Variants in MAGEA11 observed in about 807,000 individuals in gnomAD.
The protein encoded by MAGEA11 is MAGE family member A11.
In MAGEA11, 1 loss-of-function variant was observed where a neutral mutation model predicts 8.4. The ratio of observed to expected loss-of-function variants is 0.12; its 90% CI spans 0.04 to 0.57. The LOEUF (loss-of-function observed/expected upper bound fraction) is 0.57, where lower values mean the gene tolerates loss of function less well. MAGEA11 is among the 20% of genes least tolerant of loss of function. MAGEA11 has a pLI of 0.91. For missense variants in MAGEA11, 209 were observed against 317.3 expected, an observed-to-expected ratio of 0.66 and a Z score of 2.59; for synonymous variants, 127 against 119.3, an observed-to-expected ratio of 1.06 and a Z score of -0.42.
At chrX:149,704,861 A>C (rs1353422036) in intron 1 of MAGEA11, among the ~76,000 whole-genome samples, 3 of 112,760 alleles carry the variant, frequency 2.7e-5, no homozygotes, top group African/African-American at 9.7e-5. Context: ...GCTGGCAACC[A>C]GATACATGGT....
intron 1 of MAGEA11, among the ~76,000 whole-genome samples, chrX:149,699,581 A>C (rs1191900975): frequency 9.0e-6 from 1 of 111,607 alleles, no homozygotes; most frequent in Non-Finnish European, 1.9e-5. Context: ...TGATTGGGTT[A>C]CCCATGCTGA....
chrX:149,714,447 G>C (rs781795321), intron 2 of MAGEA11, 34 bp from the exon 3 acceptor site: 38 of 1,198,471 alleles, frequency 3.2e-5, no homozygotes, highest in Non-Finnish European at 4.2e-5. Flanking sequence ...ATGGGACGTG[G>C]GGCCCCTTAC....
intron 1 of MAGEA11, among the ~76,000 whole-genome samples, chrX:149,705,829 G>C (rs1008304072): frequency 1.8e-5 from 2 of 112,015 alleles, no homozygotes; most frequent in African/African-American, 6.5e-5. Context: ...GCTGCTGTGG[G>C]ATATGCTAGA....
upstream of MAGEA11, chrX:149,711,716 G>T: frequency 4.5e-6 from 2 of 442,141 alleles, no homozygotes; most frequent in Non-Finnish European, 5.6e-6. Context: ...GAAGACCTTG[G>T]CAATGTTGTC....
chrX:149,709,829 A>G (rs949687008), upstream of MAGEA11, among the ~76,000 whole-genome samples: 1 of 111,557 alleles, frequency 9.0e-6, no homozygotes, highest in African/African-American at 3.3e-5. Context: ...GTAGAAGGAA[A>G]TTTTGTTTCA....
At chrX:149,688,960 C>T in exon 1 of MAGEA11, 4 of 1,026,399 alleles carry the variant, frequency 3.9e-6, no homozygotes, top group Non-Finnish European at 5.1e-6. Flanking sequence ...ACCATTGATA[C>T]AGGCTAGGAA....
At position 149,716,080 on chromosome X, in the gene MAGEA11, C is replaced by G. The variant is rs782118482; in HGVS notation, c.594C>G (p.Gly198=). The change falls in exon 5 of 5, where the codon GGC becomes GGG. Residue 198 remains glycine, a synonymous_variant. Coordinates refer to ENST00000355220, the MANE Select transcript of MAGEA11 (RefSeq NM_005366.5). ...GGAGCCTATCTGATGAGGGCTCTGG[C>G]AGCCAAGAAAAGGAGGGGCCAAGTA... ...IFGSLSDEGS[G]SQEKEGPSTS... is the part of the protein sequence containing the mutation. 6.6e-6 allele frequency: 8 copies of G among 1,211,932 alleles called. No individual in the cohort carries two copies. Among genetic ancestry groups the G allele is most frequent in the Non-Finnish European group, 8.9e-6 (8 of 895,490 alleles).
upstream of MAGEA11, among the ~76,000 whole-genome samples, chrX:149,707,618 G>A (rs187873390): frequency 8.9e-6 from 1 of 112,141 alleles, no homozygotes; most frequent in African/African-American, 3.2e-5. Context: ...TCTGTATGTT[G>A]CAATTTGGTA....
upstream of MAGEA11, chrX:149,688,788 G>A: frequency 3.4e-6 from 1 of 294,988 alleles, no homozygotes; most frequent in South Asian, 3.4e-5. Flanking sequence ...ATAGCTGGCT[G>A]CCTGAGTCAT....
chrX:149,695,267 A>C (rs1557360463), intron 1 of MAGEA11, among the ~76,000 whole-genome samples: 1 of 111,476 alleles, frequency 9.0e-6, no homozygotes, highest in Non-Finnish European at 1.9e-5. Flanking sequence ...ACACCTAAAA[A>C]TAATGTGACA....
rs1557362445 is a variant in MAGEA11 at position 149,715,979 on chromosome X, G to A, written c.493G>A (p.Ala165Thr). 1 of 1,211,456 alleles carries A rather than the reference G, an allele frequency of 8.3e-7. No homozygotes were observed. The change falls in exon 5 of 5, where the codon GCT (alanine) becomes ACT (threonine). Residue 165 changes from alanine (A) to threonine (T), a missense_variant. This residue lies in a region of MAGEA11 where 131 missense variants were observed against 138.5 expected (regional missense o/e 0.95). Transcript: ENST00000355220. Reference protein sequence around the residue: ...LNVGTLEELPAAESPSPPQSP... With the variant: ...LNVGTLEELPTAESPSPPQSP... ...TGTGGGCACTCTAGAGGAGTTGCCT[G>A]CTGCTGAGTCACCAAGTCCTCCCCA...
Position 149,713,216 on chromosome X carries a change from G to A in MAGEA11, c.57G>A (p.Arg19=), listed in dbSNP as rs1557362092. 1 of 1,206,809 alleles carries A rather than the reference G, an allele frequency of 8.3e-7. No homozygotes were observed. The highest frequency in any genetic ancestry group is 3.0e-5 in the East Asian group (1 of 33,560). The change falls in exon 2 of 5, where the codon AGG becomes AGA. Residue 19 remains arginine (R), a synonymous_variant. Transcript: ENST00000355220. ...GLGCSPASIK[R]KKKREDSGDF... ...GGTGCAGCCCTGCCAGCATCAAGAG[G>A]AAGAAGAAGAGGGAGGACTCAGGAG...
At chrX:149,714,838 T>C (rs1164216810) in intron 3 of MAGEA11, among the ~76,000 whole-genome samples, 7 of 110,987 alleles carry the variant, frequency 6.3e-5, no homozygotes, top group Non-Finnish European at 1.1e-4. Context: ...ACCAAAAACA[T>C]GGGACTCAGC....
At chrX:149,688,249 C>G (rs2124272226), upstream of MAGEA11, 1 of 112,305 alleles carries the variant, frequency 8.9e-6, no homozygotes, top group East Asian at 2.8e-4. Flanking sequence ...GGGTCAGGAC[C>G]TCTTCTGAAA....
chrX:149,716,933 G>A lies in MAGEA11; in HGVS notation c.*157G>A. On this transcript the variant is annotated 3_prime_UTR_variant, in exon 5 of 5. Coordinates refer to ENST00000355220, the MANE Select transcript of MAGEA11 (RefSeq NM_005366.5). ...TGTTCTCAGTAGTAGAAGGCACAGT[G>A]AATGGAAGGGAACACATTGTATACT... 2.2e-6 allele frequency: 1 copy of A among 462,412 alleles called. No homozygotes were observed. The allele number at this position is 462,412 out of a possible 1,213,427, so 38.1% of individuals were successfully genotyped here. A position where few individuals can be genotyped will look rare whatever the true frequency, so the allele number is the denominator to read the frequency against.
chrX:149,710,860 A>G (rs1369818523), upstream of MAGEA11, among the ~76,000 whole-genome samples: 1 of 111,603 alleles, frequency 9.0e-6, no homozygotes. Flanking sequence ...ACAAGCAAAC[A>G]ATATCAAAAA....
upstream of MAGEA11, among the ~76,000 whole-genome samples, chrX:149,707,719 C>G (rs1185864564): frequency 8.9e-6 from 1 of 112,017 alleles, no homozygotes; most frequent in African/African-American, 3.2e-5. Context: ...CTCATAAAAC[C>G]CTTCCAACTT....
In MAGEA11 at chrX:149,715,735, C is replaced by T. The variant is rs781833393; in HGVS notation, c.267-18C>T. 64 of 1,198,887 alleles carry T rather than the reference C, an allele frequency of 5.3e-5. No homozygotes were observed. In the East Asian group the frequency reaches 1.4e-3, roughly 26 times the overall value. ...CATATCTCATCTGAGTCTGTTCTCACGCTCCCTCTCTCCCCAGGCTGTGGG... is the reference window on the plus strand; with the variant it reads ...CATATCTCATCTGAGTCTGTTCTCATGCTCCCTCTCTCCCCAGGCTGTGGG... On this transcript the variant is annotated intron_variant, in intron 4 of 4. Coordinates refer to ENST00000355220, the MANE Select transcript of MAGEA11 (RefSeq NM_005366.5).
chrX:149,712,215 A>T (rs1557361984), intron 1 of MAGEA11, 53 bp downstream of exon 1: 1 of 676,127 alleles, frequency 1.5e-6, no homozygotes, highest in Non-Finnish European at 1.7e-6. Context: ...GAGGGCCCCA[A>T]ATAATCCAGC....
Sources: gnomAD v4.1 joint callset for allele counts (sites outside exome capture counted in the v4.1 genomes callset) on GRCh38, gnomAD v4.1.1 for gene constraint, gnomAD v4.1.1 regional missense constraint, MANE v1.5 for transcripts, NCBI Gene and HGNC (gene_info 2026-07-23, HGNC 2026-07-21) for gene names.